CSPG4: variants seen among roughly 807,000 people sequenced by gnomAD.
CSPG4 encodes chondroitin sulfate proteoglycan 4 (melanoma-associated).
Under a neutral mutation model 139.3 loss-of-function variants are expected in CSPG4, and 74 were observed. The ratio of observed to expected loss-of-function variants is 0.53; its 90% CI spans 0.44 to 0.64. The LOEUF is 0.64. Ranked by LOEUF, CSPG4 falls within the 30% of genes least tolerant of loss-of-function variation. The pLI is 0.00. For synonymous variants in CSPG4, 1,234 were observed against 1,394.2 expected, an observed-to-expected ratio of 0.89 and a Z score of 2.56; for missense variants, 2,565 against 3,148.3, an observed-to-expected ratio of 0.81 and a Z score of 4.43.
rs544971691 is a variant in CSPG4 at position 75,696,368 on chromosome 15, C to T, written c.89-3135G>A. ...CGTGGGAGGGGCAGGAAGAGTGCTG[C>T]GTGTATGGGTTTCTCTCTCTGGAAG... On this transcript the variant is annotated intron_variant, in intron 1 of 9. Coordinates refer to ENST00000308508, the MANE Select transcript of CSPG4 (RefSeq NM_001897.5). The surrounding 1 kb of genome is among the most constrained non-coding windows in gnomAD (Gnocchi z 4.2). 2.0e-5 allele frequency among the ~76,000 whole-genome samples: 3 copies of T among 152,146 alleles called. No homozygotes were observed. Among genetic ancestry groups the T allele is most frequent in the South Asian group, 4.1e-4 (2 of 4,822 alleles).
chr15:75,675,383 T>A lies in CSPG4; in HGVS notation c.*167A>T. On this transcript the variant is annotated 3_prime_UTR_variant, in exon 10 of 10. Transcript: ENST00000308508. The stretch of plus-strand genomic sequence containing the variant: ...GGGAGGTTCCAGCTCTTGACTCCAC[T>A]CTGTCCCGGACCCCTGGGACTATCT... 1 of 678,282 alleles carries A rather than the reference T, an allele frequency of 1.5e-6. No homozygotes were observed. The highest frequency in any genetic ancestry group is 2.1e-6 in the Non-Finnish European group (1 of 477,948). The allele number at this position is 678,282 out of a possible 1,614,324, so 42.0% of individuals were successfully genotyped here.
intron 1 of CSPG4, among the ~76,000 whole-genome samples, chr15:75,709,785 C>G (rs957669557): frequency 6.6e-6 from 1 of 152,176 alleles, no homozygotes; most frequent in Non-Finnish European, 1.5e-5. Context: ...GCCTGGCCCA[C>G]CTGGCATGGC....
At position 75,687,508 on chromosome 15, in the gene CSPG4, G is replaced by A. The variant is rs1255961194; in HGVS notation, c.3557C>T (p.Ala1186Val). 2.5e-6 allele frequency: 4 copies of A among 1,612,110 alleles called. No homozygotes were observed. The Admixed American group carries it at 6.7e-5, about 27-fold the overall frequency. Residue 1186 changes from alanine (A) to valine (V), a missense_variant, in exon 3 of 10, where the codon GCC (alanine) becomes GTC (valine). Ala to Val is a moderately conservative substitution (Grantham distance 64). Coordinates refer to ENST00000308508, the MANE Select transcript of CSPG4 (RefSeq NM_001897.5). The surrounding 1 kb of genome is among the most constrained non-coding windows in gnomAD (Gnocchi z 5.4). ...ATCCAGCAGGTCCTGCTGGGAGAAG[G>A]CTGTGGCTGGCTGACCAGCCCGGAC... ...QLVRAGQPAT[A>V]FSQQDLLDGA...
intron 1 of CSPG4, among the ~76,000 whole-genome samples, chr15:75,706,310 T>C (rs1231075749): frequency 2.0e-5 from 3 of 152,146 alleles, no homozygotes; most frequent in African/African-American, 7.2e-5. Context: ...TGTGTCCTGA[T>C]TTTGGGGGTT....
At position 75,693,210 on chromosome 15, in the gene CSPG4, G is replaced by T. The variant is rs148632669; in HGVS notation, c.112C>A (p.Leu38Met). 1 of 1,608,804 alleles carries T rather than the reference G, an allele frequency of 6.2e-7. No homozygotes were observed. Among genetic ancestry groups the T allele is most frequent in the East Asian group, 2.2e-5 (1 of 44,784 alleles). Residue 38 changes from leucine (L) to methionine (M), a missense_variant, in exon 2 of 10, where the codon CTG (leucine) becomes ATG (methionine). By Grantham distance (15) the Leu-to-Met change is conservative. Transcript: ENST00000308508. Reference protein sequence around the residue: ...SAASFFGENHLEVPVATALTD... With the variant: ...SAASFFGENHMEVPVATALTD... ...AGAGCCGTGGCCACAGGCACCTCCA[G>T]GTGGTTCTCACCGAAGAAGGAAGCT...
In CSPG4 at chr15:75,712,694, G is replaced by T. The variant is rs752894276; in HGVS notation, c.62C>A (p.Thr21Asn). 6.4e-6 allele frequency: 10 copies of T among 1,565,916 alleles called. No individual in the cohort carries two copies. The highest frequency in any genetic ancestry group is 8.7e-6 in the Non-Finnish European group (10 of 1,155,986). The change falls in exon 1 of 10, where the codon ACT (threonine) becomes AAT (asparagine). Residue 21 changes from threonine (T) to asparagine (N), a missense_variant. By Grantham distance (65) the Thr-to-Asn change is moderately conservative. Transcript: ENST00000308508. ...CGCGGATGCAAGTCTGGCCAACATA[G>T]TCAGGGTCAAAGCCAAGGCCAGGCC... is the stretch of plus-strand genomic sequence containing the variant. ...APGLALALTL[T>N]MLARLASAAS...
Position 75,687,571 on chromosome 15 carries a change from T to C in CSPG4, c.3494A>G (p.His1165Arg), listed in dbSNP as rs761663845. 3 of 1,610,736 alleles carry C rather than the reference T, an allele frequency of 1.9e-6. No homozygotes were observed. Among genetic ancestry groups the C allele is most frequent in the South Asian group, 2.2e-5 (2 of 90,888 alleles). The change falls in exon 3 of 10, where the codon CAC (histidine) becomes CGC (arginine). Residue 1165 changes from histidine (H) to arginine (R), a missense_variant. His to Arg is a conservative substitution (Grantham distance 29). Transcript: ENST00000308508. The surrounding 1 kb of genome is among the most constrained non-coding windows in gnomAD (Gnocchi z 5.4). ...NLDIRSGDEV[H>R]YHVTAGPRWG... Reference sequence around the variant, plus strand: ...GCGAGGGCCAGCTGTGACGTGGTAGTGGACCTCATCCCCACTGCGGATGTC... The same window carrying C: ...GCGAGGGCCAGCTGTGACGTGGTAGCGGACCTCATCCCCACTGCGGATGTC...
At position 75,687,718 on chromosome 15, in the gene CSPG4, G is replaced by A. The variant is rs757696259; in HGVS notation, c.3347C>T (p.Ala1116Val). Reference sequence around the variant, plus strand: ...TTCCGAGGCCTGCACCTCCAGCAGCGCAGTGGCCTGGTGTTGCCCGTCGGA... The same window carrying A: ...TTCCGAGGCCTGCACCTCCAGCAGCACAGTGGCCTGGTGTTGCCCGTCGGA... ...QVSDGQHQAT[A>V]LLEVQASEPY... is the part of the protein sequence containing the mutation. Residue 1116 changes from alanine to valine, a missense_variant, in exon 3 of 10, where the codon GCG (alanine) becomes GTG (valine). This residue lies in a region of CSPG4 where 2,316 missense variants were observed against 2,818.2 expected (regional missense o/e 0.82). Transcript: ENST00000308508. This position sits in a 1 kb window ranked among gnomAD's most constrained non-coding sequence, Gnocchi z 5.4. The A allele has an allele frequency of 3.3e-5, 53 of 1,612,748 alleles. No homozygotes were observed. The highest frequency in any genetic ancestry group is 5.3e-5 in the African/African-American group (4 of 74,938).
Position 75,687,219 on chromosome 15 carries a change from C to A in CSPG4, c.3789+57G>T. ...GTCACGTGTGTTCCTGGCATGGAGG[C>A]TGGGAGAAGGCCCTCTACCTGGCCC... On this transcript the variant is annotated intron_variant, in intron 3 of 9. Transcript: ENST00000308508. The surrounding 1 kb of genome is among the most constrained non-coding windows in gnomAD (Gnocchi z 5.4). 2 of 1,593,356 alleles carry A rather than the reference C, an allele frequency of 1.3e-6. No individual in the cohort carries two copies. The highest frequency in any genetic ancestry group is 1.7e-6 in the Non-Finnish European group (2 of 1,170,952).
chr15:75,712,869 C>CGCACTTAA (rs1480406793), upstream of CSPG4: 8 of 843,376 alleles, frequency 9.5e-6, no homozygotes, highest in Non-Finnish European at 1.4e-5. Flanking sequence ...CGGGTGTCCG[C>CGCACTTAA]GCACTTAACT....
At chr15:75,691,226 G>A (rs1001555618) in intron 2 of CSPG4, among the ~76,000 whole-genome samples, 2 of 152,102 alleles carry the variant, frequency 1.3e-5, no homozygotes, top group Non-Finnish European at 2.9e-5. Flanking sequence ...TGGGGCCCCA[G>A]AGTGGAAAAC....
intron 1 of CSPG4, among the ~76,000 whole-genome samples, chr15:75,697,024 G>C (rs1003192207): frequency 3.9e-5 from 6 of 152,222 alleles, no homozygotes; most frequent in Admixed American, 1.3e-4. Flanking sequence ...AGGAGTCGCT[G>C]TGAGGGGAAC....
At chr15:75,709,845 G>C (rs928518475) in intron 1 of CSPG4, among the ~76,000 whole-genome samples, 15 of 152,134 alleles carry the variant, frequency 9.9e-5, no homozygotes, top group African/African-American at 3.6e-4. Flanking sequence ...TTCTTGTCCT[G>C]CCCGGGCGGG....
chr15:75,699,374 G>A (rs942220160), intron 1 of CSPG4, among the ~76,000 whole-genome samples: 3 of 152,240 alleles, frequency 2.0e-5, no homozygotes, highest in Non-Finnish European at 2.9e-5. Flanking sequence ...AAGGGGGCCA[G>A]GGAGGAAAAC....
chr15:75,676,274 C>G lies in CSPG4; in HGVS notation c.6245G>C (p.Arg2082Pro). Residue 2082 changes from arginine (R) to proline (P), a missense_variant, in exon 10 of 10, where the codon CGC (arginine) becomes CCC (proline). Coordinates refer to ENST00000308508, the MANE Select transcript of CSPG4 (RefSeq NM_001897.5). The part of the protein sequence containing the change: ...ELANRTGSVP[R>P]FRLLEGPRHG... The stretch of plus-strand genomic sequence containing the variant: ...CCGGGGTCCCTCCAGGAGGCGGAAG[C>G]GCGGCACACTGCCTGTGCGGTTGGC... 1 of 1,582,054 alleles carries G rather than the reference C, an allele frequency of 6.3e-7. No individual in the cohort carries two copies. Among genetic ancestry groups the G allele is most frequent in the Non-Finnish European group, 8.6e-7 (1 of 1,168,672 alleles).
At chr15:75,710,671 A>G (rs1226009235) in intron 1 of CSPG4, among the ~76,000 whole-genome samples, 2 of 152,132 alleles carry the variant, frequency 1.3e-5, no homozygotes, top group African/African-American at 4.8e-5. Context: ...AGCACGCCTC[A>G]TTCGGATACG....
rs1210856719 is a variant in CSPG4, at chr15:75,687,510, T to C, written c.3555A>G (p.Thr1185=). The change falls in exon 3 of 10, where the codon ACA becomes ACG. Residue 1185 remains threonine, a synonymous_variant. Coordinates refer to ENST00000308508, the MANE Select transcript of CSPG4 (RefSeq NM_001897.5). The surrounding 1 kb of genome is among the most constrained non-coding windows in gnomAD (Gnocchi z 5.4). ...CCAGCAGGTCCTGCTGGGAGAAGGC[T>C]GTGGCTGGCTGACCAGCCCGGACTA... is the stretch of plus-strand genomic sequence containing the variant. ...GQLVRAGQPA[T]AFSQQDLLDG... 1 of 1,612,068 alleles carries C rather than the reference T, an allele frequency of 6.2e-7. No homozygotes were observed. The highest frequency in any genetic ancestry group is 2.2e-5 in the East Asian group (1 of 44,882).
At position 75,689,557 on chromosome 15, in the gene CSPG4, T is replaced by A. The variant is rs1362478148; in HGVS notation, c.1508A>T (p.Lys503Met). The A allele has an allele frequency of 2.5e-6, 4 of 1,612,598 alleles. No individual in the cohort carries two copies. The highest frequency in any genetic ancestry group is 3.3e-4 in the Middle Eastern group (2 of 6,010). The change falls in exon 3 of 10, where the codon AAG becomes ATG. Residue 503 changes from lysine (K) to methionine (M), a missense_variant. By Grantham distance (95) the Lys-to-Met change is moderately conservative (BLOSUM62 -1). Around this residue, in one of 5 missense-constraint regions of CSPG4, gnomAD observed 2,316 missense variants for 2,818.2 expected, o/e 0.82. Transcript: ENST00000308508. ...AGAGCCATCGTGGATGAAGCGGGCC[T>A]TGCGGTTCACCACGTCCAGGAGGGT... The part of the protein sequence containing the change: ...MFTLLDVVNR[K>M]ARFIHDGSED...
At position 75,676,349 on chromosome 15, in the gene CSPG4, T is replaced by TG; in HGVS notation, c.6169dup (p.Gln2057ProfsTer63). On this transcript the variant is annotated frameshift_variant, in exon 10 of 10. Transcript: ENST00000308508. LOFTEE classifies it high-confidence loss of function. ...GGGGTCCAGGCGCAGGGTGGCACCC[T>TG]GGGGCCATGGCCCACCTGCCCACAC... 1 of 1,613,008 alleles carries TG rather than the reference T, an allele frequency of 6.2e-7. No homozygotes were observed. Among genetic ancestry groups the TG allele is most frequent in the Non-Finnish European group, 8.5e-7 (1 of 1,179,970 alleles).
Sources: allele counts gnomAD v4.1 joint callset (sites outside exome capture counted in the v4.1 genomes callset), GRCh38; gene constraint gnomAD v4.1.1; regional missense constraint gnomAD v4.1.1; non-coding constraint Gnocchi (gnomAD v3.1); transcripts MANE v1.5; gene names NCBI Gene and HGNC (gene_info 2026-07-23, HGNC 2026-07-21).